ULK4: variants seen among roughly 807,000 people sequenced by gnomAD.
The protein encoded by ULK4 is unc-51 like kinase 4.
A neutral mutation model predicts 160.6 loss-of-function variants in ULK4; 133 were observed. That is an observed-to-expected ratio of 0.83 (90% CI 0.72 to 0.96). The LOEUF (loss-of-function observed/expected upper bound fraction) is 0.96. Among genes scored for constraint, ULK4 ranks in the 40% least tolerant of loss-of-function variants. The pLI, the probability that ULK4 is intolerant of heterozygous loss-of-function variation, is 0.00. For synonymous variants in ULK4, 534 were observed against 539.8 expected (o/e 0.99, Z 0.15); for missense variants, 1,580 against 1,499.5 (o/e 1.05, Z -0.89).
At chr3:41,862,650 A>T (rs1163410160) in intron 17 of ULK4, among the ~76,000 whole-genome samples, 2 of 152,192 alleles carry the variant, frequency 1.3e-5, no homozygotes, top group African/African-American at 4.8e-5. Flanking sequence ...GCAGACTCAG[A>T]CATGTATTGC....
intron 32 of ULK4, among the ~76,000 whole-genome samples, chr3:41,519,022 CT>C (rs1427030878): frequency 2.0e-5 from 3 of 152,162 alleles, no homozygotes. Context: ...AGAAGGGGCT[CT>C]AGAGGCCATA....
At chr3:41,841,910 A>G (rs11714981) in intron 17 of ULK4, among the ~76,000 whole-genome samples, 94,104 of 151,770 alleles carry the variant, frequency 0.62, 31,410 homozygotes, top group African/African-American at 0.88. Flanking sequence ...GGTGCAAGAT[A>G]TGCTTTGTTA....
At chr3:41,953,994 T>C (rs566991211) in intron 2 of ULK4, among the ~76,000 whole-genome samples, 7 of 151,878 alleles carry the variant, frequency 4.6e-5, no homozygotes, top group Admixed American at 2.0e-4. Flanking sequence ...CCATCCTGGC[T>C]AACACAGTGA....
intron 30 of ULK4, among the ~76,000 whole-genome samples, chr3:41,624,508 A>T (rs1359097290): frequency 6.6e-6 from 1 of 152,140 alleles, no homozygotes; most frequent in Non-Finnish European, 1.5e-5. Flanking sequence ...TCTCTGCATG[A>T]TGCGCACGCT....
chr3:41,474,215 C>A (rs895282785), intron 32 of ULK4, among the ~76,000 whole-genome samples: 6 of 151,920 alleles, frequency 3.9e-5, no homozygotes, highest in Admixed American at 3.3e-4. Context: ...CATGTGTAGC[C>A]AATTGACTCT....
At chr3:41,647,135 T>A (rs1430044419) in intron 30 of ULK4, among the ~76,000 whole-genome samples, 2 of 152,214 alleles carry the variant, frequency 1.3e-5, no homozygotes, top group Admixed American at 1.3e-4. Context: ...GCCTTGGGTT[T>A]GAATTTTCTC....
In ULK4 at chr3:41,645,116, C is replaced by T. The variant is rs371586328; in HGVS notation, c.3071+18491G>A. Among the ~76,000 whole-genome samples, 169 of 152,140 alleles carry T rather than the reference C, an allele frequency of 1.1e-3. 4 individuals carry two copies. In the South Asian group the frequency reaches 0.034, roughly 31 times the overall value. On this transcript the variant is annotated intron_variant, in intron 30 of 36. Transcript: ENST00000301831. ...TTTATTAGTCTTGCCAGGGGTCTAT[C>T]AATTTTGTTGATCTTTTCAAAAAAC... is the stretch of plus-strand genomic sequence containing the variant.
At position 41,384,891 on chromosome 3, in the gene ULK4, T is replaced by C. The variant is rs149678495; in HGVS notation, c.3678+13188A>G. ...TGAGCCACTGCACCCAGCTTTTATT[T>C]TTTTAAAAAGAAAATTAGCTGGGCA... On this transcript the variant is annotated intron_variant, in intron 35 of 36. Transcript: ENST00000301831. Among the ~76,000 whole-genome samples the C allele has an allele frequency of 9.2e-5, 14 of 152,210 alleles. No individual in the cohort carries two copies. The East Asian group carries it at 2.7e-3, about 29-fold the overall frequency.
At chr3:41,747,832 C>G (rs532958164) in intron 22 of ULK4, among the ~76,000 whole-genome samples, 14 of 152,076 alleles carry the variant, frequency 9.2e-5, no homozygotes, top group African/African-American at 3.1e-4. Context: ...CCAAACCTGT[C>G]GACACCTTGA....
intron 32 of ULK4, among the ~76,000 whole-genome samples, chr3:41,555,485 CAGTCAG>C (rs2087257056): frequency 6.6e-6 from 1 of 152,070 alleles, no homozygotes; most frequent in African/African-American, 2.4e-5. Context: ...CATCTAACAC[CAGTCAG>C]AATGGCCATT....
chr3:41,804,101 A>G (rs909449168), intron 19 of ULK4, among the ~76,000 whole-genome samples: 19 of 151,702 alleles, frequency 1.3e-4, no homozygotes, highest in Non-Finnish European at 2.5e-4. Flanking sequence ...CAGTCCCACC[A>G]ACACTGTAAA....
intron 22 of ULK4, among the ~76,000 whole-genome samples, 156 bp downstream of exon 22, chr3:41,754,205 T>C (rs1348521279): frequency 6.6e-6 from 1 of 152,048 alleles, no homozygotes; most frequent in East Asian, 1.9e-4. Context: ...GGGTCCTCAG[T>C]ACTTCCAAGC....
At chr3:41,727,520 C>T (rs1296600836) in intron 22 of ULK4, among the ~76,000 whole-genome samples, 1 of 152,190 alleles carries the variant, frequency 6.6e-6, no homozygotes, top group Non-Finnish European at 1.5e-5. Context: ...GTAAAGCAAG[C>T]GTGCAATGTG....
chr3:41,905,431 GT>G (rs1416285232), intron 12 of ULK4, among the ~76,000 whole-genome samples: 1 of 151,982 alleles, frequency 6.6e-6, no homozygotes, highest in Non-Finnish European at 1.5e-5. Context: ...AGTAGCAATG[GT>G]TTTTTTAGAT....
chr3:41,548,064 C>A (rs990264264), intron 32 of ULK4, among the ~76,000 whole-genome samples: 1 of 152,158 alleles, frequency 6.6e-6, no homozygotes, highest in African/African-American at 2.4e-5. Flanking sequence ...CTTTAGGATA[C>A]CAACCCAGGA....
intron 30 of ULK4, among the ~76,000 whole-genome samples, chr3:41,650,466 C>T (rs1038165152): frequency 1.3e-5 from 2 of 152,222 alleles, no homozygotes; most frequent in Admixed American, 6.5e-5. Flanking sequence ...TACCACGTTC[C>T]CCAGTGCCCA....
intron 17 of ULK4, chr3:41,854,934 C>T (rs2042298298): frequency 7.2e-6 from 1 of 138,840 alleles, no homozygotes; most frequent in Non-Finnish European, 1.5e-5. Flanking sequence ...TGGGCCTATA[C>T]ACCCATCCTT....
chr3:41,498,253 T>C (rs2085062629), intron 32 of ULK4, among the ~76,000 whole-genome samples: 1 of 152,194 alleles, frequency 6.6e-6, no homozygotes, highest in Non-Finnish European at 1.5e-5. Flanking sequence ...ATAAAGTATC[T>C]AGAAAATCCT....
chr3:41,764,390 T>A (rs145314506), intron 21 of ULK4, among the ~76,000 whole-genome samples: 1 of 152,174 alleles, frequency 6.6e-6, no homozygotes, highest in Admixed American at 6.5e-5. Flanking sequence ...TAGTTTCTAC[T>A]ATAATTACAG....
Sources: allele counts gnomAD v4.1 joint callset (sites outside exome capture counted in the v4.1 genomes callset), GRCh38; gene constraint gnomAD v4.1.1; transcripts MANE v1.5; gene names NCBI Gene and HGNC (gene_info 2026-07-23, HGNC 2026-07-21).